TOGARAM2: variants seen among roughly 807,000 people sequenced by gnomAD.
The protein encoded by TOGARAM2 is TOG array regulator of axonemal microtubules 2, also known as TOG array regulator of axonemal microtubules protein 2.
TOGARAM2 carries 85 observed loss-of-function variants against 93.3 expected under a neutral mutation model. That is an observed-to-expected ratio of 0.91 (90% CI 0.76 to 1.09). The LOEUF is 1.09. Ranked by LOEUF, TOGARAM2 falls within the 50% of genes least tolerant of loss-of-function variation. The pLI is 0.00. For synonymous variants in TOGARAM2, 593 were observed against 552.8 expected (o/e 1.07, Z -1.02); for missense variants, 1,277 against 1,334.5 (o/e 0.96, Z 0.67).
At chr2:28,994,084 C>T (rs1243903248) in intron 1 of TOGARAM2, among the ~76,000 whole-genome samples, 2 of 152,066 alleles carry the variant, frequency 1.3e-5, no homozygotes, top group African/African-American at 4.8e-5. Flanking sequence ...GAGACCCTGT[C>T]ACATGGAAAT....
intron 1 of TOGARAM2, among the ~76,000 whole-genome samples, chr2:28,957,096 C>T (rs145033053): frequency 6.6e-6 from 1 of 152,116 alleles, no homozygotes; most frequent in East Asian, 1.9e-4. Flanking sequence ...AAGAGGGAGA[C>T]TTTGTCTCAA....
At position 28,998,204 on chromosome 2, in the gene TOGARAM2, C is replaced by T. The variant is rs1673093764; in HGVS notation, c.90C>T (p.Pro30=). 1.2e-6 allele frequency: 2 copies of T among 1,612,226 alleles called. No individual in the cohort carries two copies. Among genetic ancestry groups the T allele is most frequent in the Non-Finnish European group, 1.7e-6 (2 of 1,179,310 alleles). ...GCATCCCTCGGACCAGTGCTGGGCC[C>T]CGGGTGCTCCCGCCTGGAAGCATCA... The part of the protein sequence containing the change: ...CGSIPRTSAG[P]RVLPPGSINS... Residue 30 remains proline, a synonymous_variant, in exon 3 of 20, where the codon CCC becomes CCT. Coordinates refer to ENST00000379558, the MANE Select transcript of TOGARAM2 (RefSeq NM_199280.4).
At chr2:29,003,431 G>T (rs2148290788) in intron 5 of TOGARAM2, 61 bp from the exon 6 acceptor site, 1 of 1,349,090 alleles carries the variant, frequency 7.4e-7, no homozygotes, top group Non-Finnish European at 9.7e-7. Context: ...GGTGCCTGGA[G>T]GTGAGCATTC....
intron 1 of TOGARAM2, among the ~76,000 whole-genome samples, chr2:28,985,722 T>C (rs907708506): frequency 6.6e-6 from 1 of 152,218 alleles, no homozygotes; most frequent in African/African-American, 2.4e-5. Flanking sequence ...AGATGTCTCT[T>C]TCTCAAGACA....
chr2:28,966,182 G>C (rs1165511917), intron 1 of TOGARAM2, among the ~76,000 whole-genome samples: 1 of 151,900 alleles, frequency 6.6e-6, no homozygotes, highest in African/African-American at 2.4e-5. Flanking sequence ...TTAGAGACAG[G>C]GTTTCACCAT....
intron 1 of TOGARAM2, among the ~76,000 whole-genome samples, chr2:28,983,272 CT>C (rs969512827): frequency 2.8e-5 from 3 of 107,414 alleles, no homozygotes; most frequent in African/African-American, 1.1e-4. Flanking sequence ...TCTCGAATTC[CT>C]GGCTCAGGTG....
At chr2:28,989,351 C>T (rs955271332) in intron 1 of TOGARAM2, among the ~76,000 whole-genome samples, 2 of 150,432 alleles carry the variant, frequency 1.3e-5, no homozygotes, top group African/African-American at 4.9e-5. Context: ...ATACCGGGCC[C>T]GCTTTTCATA....
chr2:29,007,944 A>G (rs1663986918), intron 6 of TOGARAM2, among the ~76,000 whole-genome samples: 1 of 149,576 alleles, frequency 6.7e-6, no homozygotes, highest in Non-Finnish European at 1.5e-5. Context: ...TTCCCCACCC[A>G]TTCATTTCAT....
At chr2:29,018,255 A>G (rs1041344363) in intron 10 of TOGARAM2, 8 of 355,118 alleles carry the variant, frequency 2.3e-5, no homozygotes, top group South Asian at 9.3e-5. Flanking sequence ...ACTAGACAAT[A>G]GCACCCAAGG....
rs1411206984 is a variant in TOGARAM2, at chr2:29,003,545, C to T, written c.693C>T (p.Ser231=). 7 of 1,592,842 alleles carry T rather than the reference C, an allele frequency of 4.4e-6. No homozygotes were observed. The highest frequency in any genetic ancestry group is 5.1e-6 in the Non-Finnish European group (6 of 1,170,608). Residue 231 remains serine (S), a synonymous_variant, in exon 6 of 20, where the codon TCC becomes TCT. Transcript: ENST00000379558. Reference sequence around the variant, plus strand: ...GCAATGATGAGAAGATGCAGAAGTCCCTGGGCGCCATCGTGATCCCACCCA... The same window carrying T: ...GCAATGATGAGAAGATGCAGAAGTCTCTGGGCGCCATCGTGATCCCACCCA... ...LHCNDEKMQK[S]LGAIVIPPIP... is the part of the protein sequence containing the mutation.
chr2:29,007,867 T>A (rs1663980086), intron 6 of TOGARAM2, among the ~76,000 whole-genome samples: 3 of 151,972 alleles, frequency 2.0e-5, no homozygotes, highest in Non-Finnish European at 1.5e-5. Context: ...CATCCATCCA[T>A]CCATTTACGA....
At position 29,051,797 on chromosome 2, in the gene TOGARAM2, G is replaced by C. The variant is rs544155983; in HGVS notation, c.2764G>C (p.Glu922Gln). 4.1e-5 allele frequency: 64 copies of C among 1,551,106 alleles called. 1 individual carries two copies. In the South Asian group the frequency reaches 7.4e-4, roughly 18 times the overall value. Residue 922 changes from glutamate (E) to glutamine (Q), a missense_variant, in exon 20 of 20, where the codon GAG (glutamate) becomes CAG (glutamine). Glu to Gln is a conservative substitution (Grantham distance 29, BLOSUM62 2). Coordinates refer to ENST00000379558, the MANE Select transcript of TOGARAM2 (RefSeq NM_199280.4). ...SVYPRKPQAV[E>Q]RHVLPILWHF... is the part of the protein sequence containing the mutation. ...TTACCCCCGGAAGCCTCAAGCTGTA[G>C]AGCGGCATGTCCTTCCCATCCTCTG...
At chr2:29,010,285 A>G (rs988550918) in intron 6 of TOGARAM2, among the ~76,000 whole-genome samples, 2 of 152,044 alleles carry the variant, frequency 1.3e-5, no homozygotes, top group African/African-American at 2.4e-5. Context: ...GGTGGGTTAC[A>G]ATGGCAAAGG....
At chr2:28,959,253 C>T (rs951504680) in intron 1 of TOGARAM2, among the ~76,000 whole-genome samples, 5 of 152,108 alleles carry the variant, frequency 3.3e-5, no homozygotes, top group African/African-American at 1.2e-4. Flanking sequence ...TGATGTTTCC[C>T]CCTCATGTCC....
In TOGARAM2 at chr2:29,035,647, C is replaced by T. The variant is rs772974706; in HGVS notation, c.2409C>T (p.His803=). 8.0e-6 allele frequency: 12 copies of T among 1,500,874 alleles called. No homozygotes were observed. Among genetic ancestry groups the T allele is most frequent in the Non-Finnish European group, 1.1e-5 (12 of 1,120,258 alleles). The allele number at this position is 1,500,874 out of a possible 1,614,324, so 93.0% of individuals were successfully genotyped here. A position where few individuals can be genotyped will look rare whatever the true frequency, so the allele number is the denominator to read the frequency against. The change falls in exon 17 of 20, where the codon CAC becomes CAT. Residue 803 remains histidine, a synonymous_variant. Coordinates refer to ENST00000379558, the MANE Select transcript of TOGARAM2 (RefSeq NM_199280.4). Reference sequence around the variant, plus strand: ...CCAAGACGGAGCTTGTCACTGCCCACCTGGTCCAGGTGAGCACCGCTTGCT... The same window carrying T: ...CCAAGACGGAGCTTGTCACTGCCCATCTGGTCCAGGTGAGCACCGCTTGCT... ...CKAKTELVTA[H]LVQVFDAFTP... is the part of the protein sequence containing the mutation.
At chr2:28,996,138 A>G (rs1388039333) in intron 2 of TOGARAM2, among the ~76,000 whole-genome samples, 1 of 152,222 alleles carries the variant, frequency 6.6e-6, no homozygotes, top group East Asian at 1.9e-4. Context: ...TAATAGTTGT[A>G]CATATTTTCT....
At chr2:29,006,692 C>G (rs1289093644) in intron 6 of TOGARAM2, among the ~76,000 whole-genome samples, 2 of 152,148 alleles carry the variant, frequency 1.3e-5, no homozygotes, top group Non-Finnish European at 2.9e-5. Flanking sequence ...CTTTCTCCGA[C>G]CCTGTGGGTT....
At chr2:29,039,639 G>T (rs186527123) in intron 18 of TOGARAM2, among the ~76,000 whole-genome samples, 46 of 152,300 alleles carry the variant, frequency 3.0e-4, no homozygotes, top group Admixed American at 2.9e-3. Flanking sequence ...TTTCATGGGA[G>T]GTAGTAAGGA....
chr2:28,957,828 TTTG>T lies in TOGARAM2; in HGVS notation c.-147+1134_-147+1136del, dbSNP rs1170148677. Among the ~76,000 whole-genome samples, 6 of 152,094 alleles carry T rather than the reference TTTG, an allele frequency of 3.9e-5. No homozygotes were observed. The East Asian group carries it at 1.2e-3, about 29-fold the overall frequency. The stretch of plus-strand genomic sequence containing the variant: ...GTATCTTCAATAGGAGAGGTGTTTT[TTTG>T]TTTTTGTTTTTTTGCCACTCTCTCA... On this transcript the variant is annotated intron_variant, in intron 1 of 6. Transcript: ENST00000401723.
Sources: allele counts gnomAD v4.1 joint callset (sites outside exome capture counted in the v4.1 genomes callset), GRCh38; gene constraint gnomAD v4.1.1; transcripts MANE v1.5; gene names NCBI Gene and HGNC (gene_info 2026-07-23, HGNC 2026-07-21).